The following RSPH10B2 variants were observed in gnomAD, a reference collection of about 807,000 sequenced individuals.
RSPH10B2 encodes the protein radial spoke head 10 homolog B2 (Chlamydomonas).
RSPH10B2 carries 9 observed loss-of-function variants against 49.0 expected under a neutral mutation model. That is an observed-to-expected ratio of 0.18 (90% CI 0.11 to 0.32). The LOEUF is 0.32. Ranked by LOEUF, RSPH10B2 falls within the 10% of genes least tolerant of loss-of-function variation. The pLI, the probability that RSPH10B2 is intolerant of heterozygous loss-of-function variation, is 1.00. For synonymous variants in RSPH10B2, 35 were observed against 210.2 expected (o/e 0.17, Z 7.21); for missense variants, 95 against 589.9 (o/e 0.16, Z 8.69).
chr7:6,768,159 G>T (rs1781520793), intron 6 of RSPH10B2, among the ~76,000 whole-genome samples: 1 of 140,256 alleles, frequency 7.1e-6, no homozygotes. Flanking sequence ...TCTAGCCTGG[G>T]TAACAGAGTG....
intron 13 of RSPH10B2, among the ~76,000 whole-genome samples, chr7:6,781,923 A>AT (rs1381257324): frequency 1.9e-5 from 2 of 106,752 alleles, no homozygotes; most frequent in African/African-American, 7.3e-5. Flanking sequence ...TTTTAATTTT[A>AT]TTTTTTTGAG....
intron 9 of RSPH10B2, among the ~76,000 whole-genome samples, chr7:6,774,745 C>CTT (rs1156492670): frequency 1.1e-3 from 98 of 91,764 alleles, no homozygotes; most frequent in African/African-American, 3.1e-3. Flanking sequence ...GCTATATTAT[C>CTT]TTTTTTTTTG....
intron 4 of RSPH10B2, among the ~76,000 whole-genome samples, chr7:6,764,640 C>T (rs1422276174): frequency 8.6e-5 from 13 of 151,794 alleles, no homozygotes; most frequent in South Asian, 2.1e-4. Flanking sequence ...GGATTACAGG[C>T]GTGAGCCACA....
intron 17 of RSPH10B2, chr7:6,794,030 C>T (rs1428126622): frequency 1.3e-5 from 2 of 148,888 alleles, no homozygotes; most frequent in Non-Finnish European, 3.0e-5. Context: ...GGGCTGTGTA[C>T]ATGCTCACCT....
intron 17 of RSPH10B2, among the ~76,000 whole-genome samples, chr7:6,795,788 G>A (rs560682863): frequency 2.0e-5 from 3 of 147,782 alleles, no homozygotes; most frequent in African/African-American, 5.0e-5. Flanking sequence ...AATTAGCCTC[G>A]TGTGGTGGTG....
intron 14 of RSPH10B2, among the ~76,000 whole-genome samples, chr7:6,786,384 C>T (rs1428798461): frequency 8.3e-6 from 1 of 120,942 alleles, no homozygotes; most frequent in Admixed American, 9.1e-5. Flanking sequence ...TTAGTAGAGA[C>T]GGAGTTTCAC....
upstream of RSPH10B2, chr7:6,752,921 T>TCC (rs1780936029): frequency 7.2e-6 from 1 of 138,002 alleles, no homozygotes; most frequent in Admixed American, 8.9e-5. Context: ...TTTTTGTATT[T>TCC]TTAGTAGAGA....
chr7:6,761,936 TCCCGGCAG>T (rs1324441741), intron 3 of RSPH10B2, among the ~76,000 whole-genome samples: 2 of 89,928 alleles, frequency 2.2e-5, no homozygotes, highest in Non-Finnish European at 4.7e-5. Flanking sequence ...CTCGGGAAAC[TCCCGGCAG>T]GGGGGGAGGT....
chr7:6,777,158 T>A (rs1781780055), intron 10 of RSPH10B2, among the ~76,000 whole-genome samples: 1 of 38,640 alleles, frequency 2.6e-5, no homozygotes, highest in Non-Finnish European at 4.7e-5. Flanking sequence ...TGGGTTCAAG[T>A]GACTCTCCTG....
At chr7:6,791,224 G>C (rs1261448343) in intron 16 of RSPH10B2, among the ~76,000 whole-genome samples, 1 of 116,022 alleles carries the variant, frequency 8.6e-6, no homozygotes, top group African/African-American at 3.7e-5. Flanking sequence ...GGATGGTCTC[G>C]ATCTCCTGAC....
At position 6,781,744 on chromosome 7, in the gene RSPH10B2, G is replaced by A. The variant is rs1212340736; in HGVS notation, c.1758+268G>A. 5.3e-3 allele frequency among the ~76,000 whole-genome samples: 496 copies of A among 94,236 alleles called. 28 individuals are homozygous for A. The highest frequency in any genetic ancestry group is 0.01 in the African/African-American group (251 of 24,434). The allele number at this position is 94,236 out of a possible 152,430, so 61.8% of individuals were successfully genotyped here. On this transcript the variant is annotated intron_variant, in intron 13 of 18. Transcript: ENST00000297186. ...CCTATAACAATGGCCCATGGCATGC[G>A]TATATATATATATTGCAATCCCAGC... is the stretch of plus-strand genomic sequence containing the variant.
intron 14 of RSPH10B2, 90 bp from the exon 17 acceptor site, chr7:6,786,788 T>A: frequency 1.2e-6 from 1 of 849,066 alleles, no homozygotes. Flanking sequence ...CATATTCAGA[T>A]GTCAGGAAAT....
Position 6,796,007 on chromosome 7 carries a change from C to A in RSPH10B2, c.2234-561C>A, listed in dbSNP as rs1230893456. Among the ~76,000 whole-genome samples, 3 of 144,572 alleles carry A rather than the reference C, an allele frequency of 2.1e-5. No homozygotes were observed. In the East Asian group the frequency reaches 5.9e-4, roughly 29 times the overall value. The allele number at this position is 144,572 out of a possible 152,430, so 94.8% of individuals were successfully genotyped here. A position where few individuals can be genotyped will look rare whatever the true frequency, so the allele number is the denominator to read the frequency against. ...CATGGAAAATTAAAATATCAGAAAA[C>A]CCAAATTCTTAAGATAGAAAAAAAA... On this transcript the variant is annotated intron_variant, in intron 17 of 18. Coordinates refer to ENST00000297186, the Ensembl canonical transcript of RSPH10B2.
chr7:6,760,033 T>C (rs1781215205), intron 2 of RSPH10B2, among the ~76,000 whole-genome samples, 193 bp from the exon 5 acceptor site: 1 of 93,776 alleles, frequency 1.1e-5, no homozygotes, highest in Non-Finnish European at 2.1e-5. Flanking sequence ...GGCATGGTGG[T>C]GGATGCCTGT....
Position 6,782,993 on chromosome 7 carries a change from T to C in RSPH10B2, c.1758+1517T>C, listed in dbSNP as rs1438176780. Among the ~76,000 whole-genome samples the C allele has an allele frequency of 1.5e-5, 2 of 130,078 alleles. 1 individual carries two copies. The highest frequency in any genetic ancestry group is 3.2e-5 in the Non-Finnish European group (2 of 61,630). The allele number at this position is 130,078 out of a possible 152,430, so 85.3% of individuals were successfully genotyped here. ...CTTGGGAAAATAGTGACAACATCTA[T>C]ACAATGTTCTCATACTAACTATTGG... On this transcript the variant is annotated intron_variant, in intron 13 of 18. Coordinates refer to ENST00000297186, the Ensembl canonical transcript of RSPH10B2.
At chr7:6,791,763 AG>A in intron 16 of RSPH10B2, 140 bp from the exon 19 acceptor site, 22 of 155,126 alleles carry the variant, frequency 1.4e-4, no homozygotes, top group Non-Finnish European at 2.3e-4. Context: ...AAAAAAAAAA[AG>A]TCAAATTAAA....
chr7:6,769,620 G>A (rs1426959362), intron 7 of RSPH10B2, among the ~76,000 whole-genome samples: 2 of 112,454 alleles, frequency 1.8e-5, no homozygotes, highest in Non-Finnish European at 3.7e-5. Flanking sequence ...ACAGAGTTTC[G>A]CTCTGTTGCC....
chr7:6,757,839 A>G (rs1359870655), exon 1 of RSPH10B2: 1 of 1,591,216 alleles, frequency 6.3e-7, no homozygotes, highest in Non-Finnish European at 8.5e-7. Context: ...AGCTCAACGA[A>G]GTGAAACCCA....
intron 9 of RSPH10B2, among the ~76,000 whole-genome samples, chr7:6,774,913 C>A (rs1781723207): frequency 6.6e-6 from 1 of 151,988 alleles, no homozygotes; most frequent in African/African-American, 2.4e-5. Context: ...TATACGGGCA[C>A]TTGCTACTGT....
Sources: allele counts gnomAD v4.1 joint callset (sites outside exome capture counted in the v4.1 genomes callset), GRCh38; gene constraint gnomAD v4.1.1; transcripts MANE v1.5; gene names NCBI Gene and HGNC (gene_info 2026-07-23, HGNC 2026-07-21).